CHRDL1: variants seen among roughly 807,000 people sequenced by gnomAD.
CHRDL1 encodes chordin like 1.
In CHRDL1, 19 loss-of-function variants were observed where a neutral mutation model predicts 40.9. The observed-to-expected ratio is 0.46, with a 90% CI of 0.32 to 0.68. The LOEUF (loss-of-function observed/expected upper bound fraction) is 0.68. Among genes scored for constraint, CHRDL1 ranks in the 30% least tolerant of loss-of-function variants. The pLI, the probability that CHRDL1 is intolerant of heterozygous loss-of-function variation, is 0.03. For missense variants in CHRDL1, 329 were observed against 352.1 expected (o/e 0.93, Z 0.53); for synonymous variants, 136 against 123.4 (o/e 1.10, Z -0.68).
intron 4 of CHRDL1, among the ~76,000 whole-genome samples, chrX:110,734,245 G>A (rs197046): frequency 0.079 from 8,812 of 111,358 alleles, 861 homozygotes; most frequent in African/African-American, 0.28. Flanking sequence ...AAGCAGGGGG[G>A]CTGAGGATTT....
chrX:110,681,817 G>A (rs1478406460), intron 9 of CHRDL1, among the ~76,000 whole-genome samples, 168 bp from the exon 10 acceptor site: 2 of 112,431 alleles, frequency 1.8e-5, no homozygotes, highest in Non-Finnish European at 3.8e-5. Context: ...CATTAGCCCA[G>A]CTTAGGCTGC....
At chrX:110,767,425 C>T (rs907202515) in intron 2 of CHRDL1, among the ~76,000 whole-genome samples, 2 of 109,765 alleles carry the variant, frequency 1.8e-5, no homozygotes, top group African/African-American at 3.3e-5. Flanking sequence ...ACAATATGAT[C>T]GTTTACCTTG....
At chrX:110,680,968 G>A (rs756410534) in intron 10 of CHRDL1, among the ~76,000 whole-genome samples, 2 of 112,120 alleles carry the variant, frequency 1.8e-5, no homozygotes, top group South Asian at 7.5e-4. Flanking sequence ...GTGATATTAG[G>A]GACTTAGCTT....
intron 10 of CHRDL1, among the ~76,000 whole-genome samples, chrX:110,681,229 C>T (rs765140464): frequency 5.0e-4 from 56 of 111,742 alleles, no homozygotes; most frequent in Admixed American, 7.6e-4. Flanking sequence ...GGTTGAGAAC[C>T]GCTTCTCCAG....
intron 2 of CHRDL1, among the ~76,000 whole-genome samples, chrX:110,788,405 T>C (rs779882071): frequency 9.0e-6 from 1 of 111,637 alleles, no homozygotes; most frequent in Non-Finnish European, 1.9e-5. Flanking sequence ...GCATCCCCCG[T>C]CATTCCCCTG....
chrX:110,689,046 A>G (rs1474895479), intron 8 of CHRDL1, among the ~76,000 whole-genome samples: 2 of 94,133 alleles, frequency 2.1e-5, no homozygotes, highest in African/African-American at 7.6e-5. Flanking sequence ...CCTCAGACAT[A>G]GTAGGCAGTC....
chrX:110,711,981 T>C (rs1270403281), intron 6 of CHRDL1, among the ~76,000 whole-genome samples: 1 of 111,894 alleles, frequency 8.9e-6, no homozygotes, highest in African/African-American at 3.2e-5. Context: ...GTTGAGCAAA[T>C]TGTAAGTTCC....
intron 4 of CHRDL1, among the ~76,000 whole-genome samples, chrX:110,726,551 TCAAA>T (rs940191837): frequency 4.5e-5 from 5 of 112,046 alleles, no homozygotes; most frequent in African/African-American, 1.6e-4. Flanking sequence ...TTATACCAGT[TCAAA>T]CAGACTAAGA....
chrX:110,792,662 T>TTACCG (rs2090121951), intron 1 of CHRDL1, among the ~76,000 whole-genome samples: 1 of 110,269 alleles, frequency 9.1e-6, no homozygotes, highest in Non-Finnish European at 1.9e-5. Flanking sequence ...CAAGACTACT[T>TTACCG]TTAATCCTTT....
chrX:110,700,700 TC>T lies in CHRDL1; in HGVS notation c.562del (p.Glu188AsnfsTer128). 8.5e-7 allele frequency: 1 copy of T among 1,181,175 alleles called. No individual in the cohort carries two copies. The highest frequency in any genetic ancestry group is 1.2e-6 in the Non-Finnish European group (1 of 867,772). ...CCGGAAGATATCACCATCAGAATGTTCCCATGACAGTTCTCCATCTCCTGTT... is the reference window on the plus strand; with the variant it reads ...CCGGAAGATATCACCATCAGAATGTTCCATGACAGTTCTCCATCTCCTGTT... ...VCRGDGELSW[E>X]HSDGDIFRQP... is the part of the protein sequence containing the mutation. On this transcript the variant is annotated frameshift_variant, in exon 7 of 12. Coordinates refer to ENST00000372042, the MANE Select transcript of CHRDL1 (RefSeq NM_001143981.2). LOFTEE classifies it high-confidence loss of function.
In CHRDL1 at chrX:110,762,681, A is replaced by G; in HGVS notation, c.207+14T>C. 9.9e-7 allele frequency: 1 copy of G among 1,008,516 alleles called. No individual in the cohort carries two copies. Among genetic ancestry groups the G allele is most frequent in the South Asian group, 2.0e-5 (1 of 49,815 alleles). 83.1% of individuals were successfully genotyped at this position (1,008,516 alleles called of 1,213,427 possible). Reference sequence around the variant, plus strand: ...GGAGCAAACTGGGAAATCACATGTCATGAGAGATTGTACCTCTGAGCAGAT... The same window carrying G: ...GGAGCAAACTGGGAAATCACATGTCGTGAGAGATTGTACCTCTGAGCAGAT... On this transcript the variant is annotated intron_variant, in intron 3 of 11. Transcript: ENST00000372042.
rs1470546131 is a variant in CHRDL1 at position 110,694,260 on chromosome X, A to C, written c.681T>G (p.Pro227=). 2 of 1,209,205 alleles carry C rather than the reference A, an allele frequency of 1.7e-6. No individual in the cohort carries two copies. The highest frequency in any genetic ancestry group is 3.5e-5 in the South Asian group (2 of 56,912). ...GAGCTCCCCGGTGACTTCTGGCCCC[A>C]GGAAAGCGGGACAGACCTCCAGCCT... ...SRQAGGLSRF[P]GARSHRGALM... is the part of the protein sequence containing the mutation. Residue 227 remains proline (P), a synonymous_variant, in exon 8 of 12, where the codon CCT becomes CCG. Coordinates refer to ENST00000372042, the MANE Select transcript of CHRDL1 (RefSeq NM_001143981.2).
In CHRDL1 at chrX:110,721,343, T is replaced by C. The variant is rs772440258; in HGVS notation, c.447+42A>G. 5 of 1,172,344 alleles carry C rather than the reference T, an allele frequency of 4.3e-6. No homozygotes were observed. The South Asian group carries it at 7.2e-5, about 17-fold the overall frequency. ...ACAAGTACAGAGGAAGCTCTTGTATTTGAGTAGGGCCTAGCAGGAATGTTA... is the reference window on the plus strand; with the variant it reads ...ACAAGTACAGAGGAAGCTCTTGTATCTGAGTAGGGCCTAGCAGGAATGTTA... On this transcript the variant is annotated intron_variant, in intron 5 of 11. Coordinates refer to ENST00000372042, the MANE Select transcript of CHRDL1 (RefSeq NM_001143981.2).
At chrX:110,716,056 C>A (rs1338276274) in intron 6 of CHRDL1, among the ~76,000 whole-genome samples, 1 of 112,389 alleles carries the variant, frequency 8.9e-6, no homozygotes, top group Non-Finnish European at 1.9e-5. Context: ...AGGGCTGATG[C>A]AAATAGCATA....
At chrX:110,704,583 C>T (rs1030804566) in intron 6 of CHRDL1, among the ~76,000 whole-genome samples, 2 of 111,119 alleles carry the variant, frequency 1.8e-5, no homozygotes, top group Admixed American at 9.6e-5. Flanking sequence ...TGATAAGACC[C>T]TGAAGGAAGA....
At chrX:110,792,047 A>G in intron 2 of CHRDL1, 41 bp downstream of exon 2, 1 of 836,835 alleles carries the variant, frequency 1.2e-6, no homozygotes, top group African/African-American at 2.0e-5. Flanking sequence ...TTTCAAAGAA[A>G]TTATAAAAAG....
chrX:110,765,600 G>T (rs2089646767), intron 2 of CHRDL1, among the ~76,000 whole-genome samples: 1 of 111,720 alleles, frequency 9.0e-6, no homozygotes, highest in African/African-American at 3.3e-5. Context: ...AAGATCAGTT[G>T]GCTGTAAGTA....
intron 2 of CHRDL1, among the ~76,000 whole-genome samples, chrX:110,768,704 C>G (rs999611909): frequency 2.7e-5 from 3 of 110,640 alleles, no homozygotes; most frequent in African/African-American, 9.9e-5. Context: ...AGTGGTTTGC[C>G]AGGGGCTCTC....
At chrX:110,787,229 G>A (rs990289446) in intron 2 of CHRDL1, among the ~76,000 whole-genome samples, 35 of 111,306 alleles carry the variant, frequency 3.1e-4, no homozygotes, top group African/African-American at 1.1e-3. Flanking sequence ...TTCTTCAAAT[G>A]ACAATGCTCA....
Sources: allele counts gnomAD v4.1 joint callset (sites outside exome capture counted in the v4.1 genomes callset), GRCh38; gene constraint gnomAD v4.1.1; transcripts MANE v1.5; gene names NCBI Gene and HGNC (gene_info 2026-07-23, HGNC 2026-07-21).